The following C10orf90 variants were observed in gnomAD, a reference collection of about 807,000 sequenced individuals.
C10orf90 encodes (E2-independent) E3 ubiquitin-conjugating enzyme FATS.
A neutral mutation model predicts 62.5 loss-of-function variants in C10orf90; 56 were observed. The ratio of observed to expected loss-of-function variants is 0.90; its 90% CI spans 0.72 to 1.12. C10orf90 has a LOEUF of 1.12. Ranked by LOEUF, C10orf90 falls within the 50% of genes most tolerant of loss-of-function variation. The probability of loss-of-function intolerance (pLI) is 0.00; values close to 1 mark genes in which losing one functional copy is unlikely to be tolerated. For synonymous variants in C10orf90, 386 were observed against 340.4 expected (o/e 1.13, Z -1.47); for missense variants, 970 against 880.4 (o/e 1.10, Z -1.29).
rs181950731 is a variant in C10orf90 at position 126,589,207 on chromosome 10, G to A, written c.313+57358C>T. ...AAACCTCTGAGAAATATGGGATTAT[G>A]TAAAGAGAACAAACCTACAACTGAT... On this transcript the variant is annotated intron_variant, in intron 2 of 9. Coordinates refer to ENST00000488181, the MANE Select transcript of C10orf90 (RefSeq NM_001350921.2). Among the ~76,000 whole-genome samples, 12 of 152,294 alleles carry A rather than the reference G, an allele frequency of 7.9e-5. No individual in the cohort carries two copies. In the East Asian group the frequency reaches 2.1e-3, roughly 27 times the overall value.
At chr10:126,594,302 T>G (rs1488049244) in intron 2 of C10orf90, among the ~76,000 whole-genome samples, 1 of 152,100 alleles carries the variant, frequency 6.6e-6, no homozygotes, top group Non-Finnish European at 1.5e-5. Flanking sequence ...TGTGTGTCCA[T>G]ACATGATTGT....
intron 4 of C10orf90, chr10:126,502,618 C>G: frequency 3.6e-6 from 1 of 279,922 alleles, no homozygotes; most frequent in South Asian, 3.3e-5. Flanking sequence ...GTGAAAAGTA[C>G]TATAAATCCA....
chr10:126,564,630 G>A (rs925136104), intron 2 of C10orf90, among the ~76,000 whole-genome samples: 2 of 148,798 alleles, frequency 1.3e-5, no homozygotes, highest in African/African-American at 5.0e-5. Context: ...CATCTCATGT[G>A]GAAGTGGCCA....
intron 2 of C10orf90, among the ~76,000 whole-genome samples, chr10:126,525,153 C>T (rs757953670): frequency 7.9e-5 from 12 of 152,074 alleles, no homozygotes; most frequent in Non-Finnish European, 1.2e-4. Flanking sequence ...AGGATGAGCA[C>T]GGATGAATTA....
chr10:126,450,855 C>T (rs956239105), intron 7 of C10orf90, among the ~76,000 whole-genome samples: 9 of 152,058 alleles, frequency 5.9e-5, no homozygotes, highest in Non-Finnish European at 7.4e-5. Flanking sequence ...TTATATCACG[C>T]TATACAGCTT....
At chr10:126,537,607 C>G (rs1235080462) in intron 2 of C10orf90, among the ~76,000 whole-genome samples, 1 of 152,162 alleles carries the variant, frequency 6.6e-6, no homozygotes, top group Non-Finnish European at 1.5e-5. Flanking sequence ...TTTCTCACCA[C>G]TTTTTAAGTT....
At position 126,461,422 on chromosome 10, in the gene C10orf90, A is replaced by C. The variant is rs1859968520; in HGVS notation, c.1989T>G (p.Pro663=). Residue 663 remains proline, a synonymous_variant, in exon 6 of 10, where the codon CCT becomes CCG. Transcript: ENST00000488181. ...TTACTTGCAAGGTCAAAGATCTTGCAGGCGTTTGCTGAGACTCAGAACAGT... is the reference window on the plus strand; with the variant it reads ...TTACTTGCAAGGTCAAAGATCTTGCCGGCGTTTGCTGAGACTCAGAACAGT... ...SEDCSESQQT[P]ARSLTLQEAL... is the part of the protein sequence containing the mutation. 6.2e-7 allele frequency: 1 copy of C among 1,614,092 alleles called. No individual in the cohort carries two copies. The highest frequency in any genetic ancestry group is 1.7e-4 in the Middle Eastern group (1 of 6,060).
At chr10:126,548,421 C>T (rs146036819) in intron 2 of C10orf90, among the ~76,000 whole-genome samples, 22 of 152,282 alleles carry the variant, frequency 1.4e-4, no homozygotes, top group African/African-American at 5.3e-4. Flanking sequence ...GGCTGGAGTA[C>T]AGTGGCGCAA....
rs76404892 is a variant in C10orf90 at position 126,506,286 on chromosome 10, G to A, written c.406-1201C>T. Among the ~76,000 whole-genome samples, 1,050 of 152,304 alleles carry A rather than the reference G, an allele frequency of 6.9e-3. 11 individuals carry two copies. Among genetic ancestry groups the A allele is most frequent in the African/African-American group, 0.024 (979 of 41,562 alleles). Reference sequence around the variant, plus strand: ...TCATTTGTTTCTATTATGGTTATGTGTGAAGCACTACAAAATACAACATGG... The same window carrying A: ...TCATTTGTTTCTATTATGGTTATGTATGAAGCACTACAAAATACAACATGG... On this transcript the variant is annotated intron_variant, in intron 3 of 9. Transcript: ENST00000488181.
At chr10:126,655,371 A>T (rs1358479607) in intron 1 of C10orf90, among the ~76,000 whole-genome samples, 1 of 152,192 alleles carries the variant, frequency 6.6e-6, no homozygotes, top group Non-Finnish European at 1.5e-5. Flanking sequence ...TAACCATAAC[A>T]GATATAATAA....
At chr10:126,653,588 A>T (rs1189947744) in intron 1 of C10orf90, among the ~76,000 whole-genome samples, 1 of 152,144 alleles carries the variant, frequency 6.6e-6, no homozygotes, top group African/African-American at 2.4e-5. Flanking sequence ...TACTTCCTCC[A>T]CTGAAGTCTC....
chr10:126,606,386 C>T (rs116216248), intron 2 of C10orf90, among the ~76,000 whole-genome samples: 2,174 of 152,208 alleles, frequency 0.014, 39 homozygotes, highest in African/African-American at 0.047. Context: ...CTGGTTCTTA[C>T]GAGGGGCTGT....
chr10:126,646,705 T>C (rs991575802), intron 1 of C10orf90, 68 bp from the exon 2 acceptor site: 8 of 342,732 alleles, frequency 2.3e-5, no homozygotes, highest in South Asian at 1.4e-4. Context: ...TCTTTAATAA[T>C]GTACATTATT....
At chr10:126,523,457 C>T (rs1285581568) in intron 2 of C10orf90, 2 of 145,450 alleles carry the variant, frequency 1.4e-5, no homozygotes, top group East Asian at 4.0e-4. Flanking sequence ...CACAAGGAAT[C>T]CCTGTCTTGG....
intron 7 of C10orf90, among the ~76,000 whole-genome samples, chr10:126,452,321 G>A (rs1185587047): frequency 6.6e-6 from 1 of 152,058 alleles, no homozygotes; most frequent in Non-Finnish European, 1.5e-5. Context: ...CCATAAAACA[G>A]CTACATCCAG....
At chr10:126,585,105 T>C (rs1208808823) in intron 2 of C10orf90, among the ~76,000 whole-genome samples, 2 of 151,748 alleles carry the variant, frequency 1.3e-5, no homozygotes, top group Non-Finnish European at 2.9e-5. Context: ...GAATTCCTGC[T>C]GGGAATTCCA....
chr10:126,572,521 G>A (rs1844528118), intron 2 of C10orf90, among the ~76,000 whole-genome samples: 1 of 152,058 alleles, frequency 6.6e-6, no homozygotes, highest in Admixed American at 6.5e-5. Context: ...AGACCATATA[G>A]AGTAACTTCC....
intron 4 of C10orf90, among the ~76,000 whole-genome samples, chr10:126,494,372 A>G (rs995201600): frequency 6.6e-6 from 1 of 152,160 alleles, no homozygotes; most frequent in African/African-American, 2.4e-5. Flanking sequence ...ACATATTTGC[A>G]AGATATGGGC....
At chr10:126,528,033 G>A (rs1035643909) in intron 2 of C10orf90, among the ~76,000 whole-genome samples, 5 of 152,118 alleles carry the variant, frequency 3.3e-5, no homozygotes, top group East Asian at 1.9e-4. Flanking sequence ...CAGAAACCAG[G>A]AAGACAAGAT....
Sources: gnomAD v4.1 joint callset for allele counts (sites outside exome capture counted in the v4.1 genomes callset) on GRCh38, gnomAD v4.1.1 for gene constraint, MANE v1.5 for transcripts, NCBI Gene and HGNC (gene_info 2026-07-23, HGNC 2026-07-21) for gene names.